The following ZBTB20 variants were observed in gnomAD, a reference collection of about 807,000 sequenced individuals.
The protein encoded by ZBTB20 is zinc finger and BTB domain-containing protein 20.
Under a neutral mutation model 56.9 loss-of-function variants are expected in ZBTB20, and 9 were observed. The observed-to-expected ratio is 0.16, with a 90% CI of 0.10 to 0.28. The LOEUF (loss-of-function observed/expected upper bound fraction) is 0.28, where lower values mean the gene tolerates loss of function less well. Among genes scored for constraint, ZBTB20 ranks in the 10% least tolerant of loss-of-function variants. The probability of loss-of-function intolerance (pLI) is 1.00; values close to 1 mark genes in which losing one functional copy is unlikely to be tolerated. For missense variants in ZBTB20, 655 were observed against 1,003.0 expected (o/e 0.65, Z 4.69); for synonymous variants, 417 against 420.7 (o/e 0.99, Z 0.11).
chr3:114,454,379 A>T (rs2091871562), intron 7 of ZBTB20, among the ~76,000 whole-genome samples: 1 of 151,734 alleles, frequency 6.6e-6, no homozygotes, highest in East Asian at 1.9e-4. Context: ...AACATACTCC[A>T]TACTCTTTCC....
rs574170177 is a variant in ZBTB20, at chr3:114,629,883, G to A, written c.-295+63645C>T. On this transcript the variant is annotated intron_variant, in intron 6 of 11. Coordinates refer to ENST00000675478, the MANE Select transcript of ZBTB20 (RefSeq NM_001348800.3). ...AATATAAGAATAACATGGGCCAGGCGCAGGGGCTCATGCCTGTAATCCCAG... is the reference window on the plus strand; with the variant it reads ...AATATAAGAATAACATGGGCCAGGCACAGGGGCTCATGCCTGTAATCCCAG... Among the ~76,000 whole-genome samples, 15 of 152,218 alleles carry A rather than the reference G, an allele frequency of 9.9e-5. 1 individual carries two copies. In the South Asian group the frequency reaches 1.9e-3, roughly 19 times the overall value.
chr3:114,835,176 T>A (rs1471718665), intron 4 of ZBTB20, among the ~76,000 whole-genome samples: 1 of 152,170 alleles, frequency 6.6e-6, no homozygotes, highest in Non-Finnish European at 1.5e-5. Context: ...TAAAGTCAAT[T>A]TTCTCCCAGT....
intron 6 of ZBTB20, among the ~76,000 whole-genome samples, chr3:114,580,988 G>T (rs1182396582): frequency 6.6e-6 from 1 of 151,758 alleles, no homozygotes; most frequent in Non-Finnish European, 1.5e-5. Context: ...GGAGCTAAAA[G>T]AATCTTAAAA....
At chr3:114,591,615 T>A (rs2055773619) in intron 6 of ZBTB20, among the ~76,000 whole-genome samples, 1 of 152,178 alleles carries the variant, frequency 6.6e-6, no homozygotes, top group South Asian at 2.1e-4. Flanking sequence ...TTAGTATAGG[T>A]GAACTAATAC....
At chr3:114,553,291 T>C (rs930022075) in intron 6 of ZBTB20, among the ~76,000 whole-genome samples, 1 of 152,166 alleles carries the variant, frequency 6.6e-6, no homozygotes, top group Non-Finnish European at 1.5e-5. Flanking sequence ...TTTATACCAA[T>C]TTCTAGCAAT....
chr3:114,538,596 G>T (rs1037091403), intron 6 of ZBTB20, among the ~76,000 whole-genome samples: 4 of 152,030 alleles, frequency 2.6e-5, no homozygotes, highest in African/African-American at 4.8e-5. Context: ...ACTTTATACT[G>T]AATTGCCAAA....
chr3:114,460,633 T>G (rs560407836), intron 7 of ZBTB20, among the ~76,000 whole-genome samples: 1 of 152,270 alleles, frequency 6.6e-6, no homozygotes, highest in African/African-American at 2.4e-5. Flanking sequence ...CACCTTTACT[T>G]TAGTACAGTG....
intron 6 of ZBTB20, among the ~76,000 whole-genome samples, chr3:114,619,231 G>A (rs540523947): frequency 5.3e-5 from 8 of 152,240 alleles, no homozygotes; most frequent in Non-Finnish European, 1.0e-4. Flanking sequence ...GCATTTCTAT[G>A]GAGAGTTAAC....
At chr3:114,848,630 T>A (rs186426155) in intron 4 of ZBTB20, among the ~76,000 whole-genome samples, 2 of 152,300 alleles carry the variant, frequency 1.3e-5, no homozygotes, top group East Asian at 3.9e-4. Context: ...GACAAGTCAT[T>A]CCTCTCTAAT....
intron 6 of ZBTB20, among the ~76,000 whole-genome samples, chr3:114,505,991 A>C (rs956184780): frequency 4.6e-5 from 7 of 152,238 alleles, no homozygotes; most frequent in Admixed American, 4.6e-4. Flanking sequence ...GCCAGATGCA[A>C]GGGTATTTAT....
intron 6 of ZBTB20, among the ~76,000 whole-genome samples, chr3:114,537,924 T>C (rs568600913): frequency 4.0e-5 from 6 of 151,650 alleles, no homozygotes; most frequent in Admixed American, 6.6e-5. Flanking sequence ...TAAGTGAGAG[T>C]TGAACAATAA....
At chr3:114,520,649 T>C (rs1049582831) in intron 6 of ZBTB20, among the ~76,000 whole-genome samples, 2 of 152,176 alleles carry the variant, frequency 1.3e-5, no homozygotes, top group East Asian at 1.9e-4. Flanking sequence ...AATATGTCCA[T>C]TGCCTACTGG....
chr3:114,361,504 T>C (rs11918680), intron 10 of ZBTB20, among the ~76,000 whole-genome samples: 5,485 of 152,310 alleles, frequency 0.036, 158 homozygotes, highest in African/African-American at 0.076. Context: ...CCTCCACCTG[T>C]AGGAATGAAT....
chr3:114,791,929 T>G (rs892631819), intron 5 of ZBTB20: 3 of 152,208 alleles, frequency 2.0e-5, no homozygotes, highest in Non-Finnish European at 4.4e-5. Context: ...CAGCTCAGCA[T>G]GGCTTCCTCC....
chr3:114,838,551 G>C (rs533168399), intron 4 of ZBTB20, among the ~76,000 whole-genome samples: 2 of 152,050 alleles, frequency 1.3e-5, no homozygotes, highest in East Asian at 1.9e-4. Context: ...TGTGACTGGG[G>C]GGGGAAAGTC....
rs72945795 is a variant in ZBTB20 at position 115,131,898 on chromosome 3, A to G, written c.-703+15321T>C. 5.9e-3 allele frequency among the ~76,000 whole-genome samples: 897 copies of G among 152,260 alleles called. 12 individuals carry two copies. The highest frequency in any genetic ancestry group is 0.021 in the African/African-American group (868 of 41,564). On this transcript the variant is annotated intron_variant, in intron 1 of 11. Coordinates refer to ENST00000675478, the MANE Select transcript of ZBTB20 (RefSeq NM_001348800.3). Reference sequence around the variant, plus strand: ...TTTTCAGAATTTGCCAATCATTTCCACTGATCTATTATGTATGCCTAGGCC... The same window carrying G: ...TTTTCAGAATTTGCCAATCATTTCCGCTGATCTATTATGTATGCCTAGGCC...
At chr3:114,787,495 T>C (rs1257037367) in intron 5 of ZBTB20, among the ~76,000 whole-genome samples, 2 of 151,336 alleles carry the variant, frequency 1.3e-5, no homozygotes, top group Non-Finnish European at 2.9e-5. Context: ...CGTATACATA[T>C]ATATCCATTT....
At chr3:115,117,543 A>T (rs2084054768) in intron 1 of ZBTB20, among the ~76,000 whole-genome samples, 1 of 152,138 alleles carries the variant, frequency 6.6e-6, no homozygotes, top group Non-Finnish European at 1.5e-5. Context: ...ATCAACAGAA[A>T]TATAAAATAT....
At chr3:114,591,338 T>C (rs1485836252) in intron 6 of ZBTB20, among the ~76,000 whole-genome samples, 1 of 152,210 alleles carries the variant, frequency 6.6e-6, no homozygotes, top group Non-Finnish European at 1.5e-5. Context: ...CAGTTTGACA[T>C]TTCACACTCT....
Sources: allele counts gnomAD v4.1 joint callset (sites outside exome capture counted in the v4.1 genomes callset), GRCh38; gene constraint gnomAD v4.1.1; transcripts MANE v1.5; gene names NCBI Gene and HGNC (gene_info 2026-07-23, HGNC 2026-07-21).